The following FAAP20 variants were observed in gnomAD, a reference collection of about 807,000 sequenced individuals.
The protein encoded by FAAP20 is FA core complex associated protein 20, also known as Fanconi anemia core complex-associated protein 20.
Under a neutral mutation model 16.2 loss-of-function variants are expected in FAAP20, and 12 were observed. That is an observed-to-expected ratio of 0.74 (90% confidence interval 0.48 to 1.20). The LOEUF (loss-of-function observed/expected upper bound fraction) is 1.20, where lower values mean the gene tolerates loss of function less well. Ranked by LOEUF, FAAP20 falls within the 50% of genes most tolerant of loss-of-function variation. FAAP20 has a pLI of 0.00. For missense variants in FAAP20, 288 were observed against 245.8 expected (o/e 1.17, Z -1.15); for synonymous variants, 141 against 110.7 (o/e 1.27, Z -1.72).
At chr1:2,194,807 GC>G, upstream of FAAP20, 1 of 571,082 alleles carries the variant, frequency 1.8e-6, no homozygotes. Flanking sequence ...TCCAGGCCCC[GC>G]CCCCGCCCCG....
rs753552259 is a variant in FAAP20 at position 2,193,620 on chromosome 1, G to A, written c.470+19C>T. ...ACACGGATGGATAACCGGGCCGGGC[G>A]CAGGGGTGGCCTACTCACCTGGGGG... is the stretch of plus-strand genomic sequence containing the variant. On this transcript the variant is annotated intron_variant, in intron 3 of 3. Transcript: ENST00000378546. 27 of 1,586,698 alleles carry A rather than the reference G, an allele frequency of 1.7e-5. No homozygotes were observed. The highest frequency in any genetic ancestry group is 2.1e-5 in the Non-Finnish European group (25 of 1,174,010).
chr1:2,194,166 C>T (rs746773170), intron 1 of FAAP20, 33 bp from the exon 2 acceptor site: 1 of 1,609,532 alleles, frequency 6.2e-7, no homozygotes, highest in Admixed American at 1.7e-5. Flanking sequence ...ACAGGGGGTA[C>T]TCAGTAGCGG....
downstream of FAAP20, among the ~76,000 whole-genome samples, chr1:2,186,497 C>CG (rs921172617): frequency 1.8e-5 from 1 of 56,548 alleles, no homozygotes; most frequent in South Asian, 5.7e-4. Flanking sequence ...TGGACACCCG[C>CG]CCCCCCCCGG....
downstream of FAAP20, chr1:2,186,333 G>A (rs937885211): frequency 9.1e-6 from 2 of 220,280 alleles, no homozygotes; most frequent in South Asian, 4.7e-5. Context: ...CAGCAGGTGA[G>A]CGTGGCCCAC....
In FAAP20 at chr1:2,189,663, G is replaced by GCCGAGAGGCGGGGCCGCC; in HGVS notation, c.*45_*46insGGCGGCCCCGCCTCTCGG. ...GAGAGGCGGGGCTGCTGGCGGGGGA[G>GCCGAGAGGCGGGGCCGCC]AGCGTGTCCGGGCGCCGCACTCTGC... On this transcript the variant is annotated 3_prime_UTR_variant, in exon 4 of 4. Transcript: ENST00000378546. 6.5e-7 allele frequency: 1 copy of GCCGAGAGGCGGGGCCGCC among 1,531,458 alleles called. No homozygotes were observed. The highest frequency in any genetic ancestry group is 9.0e-7 in the Non-Finnish European group (1 of 1,111,280). 94.9% of individuals were successfully genotyped at this position (1,531,458 alleles called of 1,614,324 possible). A position where few individuals can be genotyped will look rare whatever the true frequency, so the allele number is the denominator to read the frequency against.
At chr1:2,196,198 C>G (rs1344184204), upstream of FAAP20, among the ~76,000 whole-genome samples, 2 of 152,180 alleles carry the variant, frequency 1.3e-5, no homozygotes, top group African/African-American at 4.8e-5. The surrounding 1 kb of genome is among the most constrained non-coding windows in gnomAD (Gnocchi z 4.5). Flanking sequence ...CTGGGTCTTT[C>G]CTGGAAATGT....
chr1:2,210,422 C>T (rs995503776), downstream of FAAP20, among the ~76,000 whole-genome samples: 1 of 152,200 alleles, frequency 6.6e-6, no homozygotes, highest in Non-Finnish European at 1.5e-5. Context: ...CACAGCCCTG[C>T]CTGCCGCCTC....
Position 2,193,851 on chromosome 1 carries a change from G to C in FAAP20, c.258C>G (p.Ser86=). The change falls in exon 3 of 4, where the codon TCC becomes TCG. Residue 86 remains serine, a synonymous_variant. Transcript: ENST00000378546. ...EVFTVGPKTF[S]WTPFPPDLWG... ...ACAGGTCCGGCGGAAAGGGTGTCCAGGAAAAGGTCTTGGGTCCGACAGTGA... is the reference window on the plus strand; with the variant it reads ...ACAGGTCCGGCGGAAAGGGTGTCCACGAAAAGGTCTTGGGTCCGACAGTGA... 1 of 1,612,356 alleles carries C rather than the reference G, an allele frequency of 6.2e-7. No individual in the cohort carries two copies. The highest frequency in any genetic ancestry group is 8.5e-7 in the Non-Finnish European group (1 of 1,179,814).
chr1:2,185,409 C>G (rs1030599199), downstream of FAAP20: 4 of 718,688 alleles, frequency 5.6e-6, no homozygotes, highest in Non-Finnish European at 1.0e-5. Flanking sequence ...CCTCTGATGC[C>G]TTTTTTCCGT....
chr1:2,189,011 G>GAAA (rs71578368), downstream of FAAP20, among the ~76,000 whole-genome samples: 136 of 105,902 alleles, frequency 1.3e-3, 1 homozygote, highest in African/African-American at 4.1e-3. Context: ...TCTCAAAAAA[G>GAAA]AAAAAAAAAA....
chr1:2,189,917 A>G, intron 3 of FAAP20, 136 bp from the exon 4 acceptor site: 2 of 719,946 alleles, frequency 2.8e-6, no homozygotes, highest in Non-Finnish European at 4.9e-6. Flanking sequence ...GGACGGGGCC[A>G]CCCCAGGGGC....
chr1:2,195,857 C>G (rs1374117895), upstream of FAAP20, among the ~76,000 whole-genome samples: 2 of 152,256 alleles, frequency 1.3e-5, no homozygotes, highest in African/African-American at 2.4e-5. Flanking sequence ...CACCTTCCTG[C>G]TCTAGATGCT....
At chr1:2,205,610 C>T (rs1208758580) in intron 3 of FAAP20, among the ~76,000 whole-genome samples, 2 of 152,152 alleles carry the variant, frequency 1.3e-5, no homozygotes, top group Non-Finnish European at 2.9e-5. Context: ...AAACGAGTTT[C>T]CAGCGTCGAG....
At chr1:2,211,410 TA>T (rs1689434684), downstream of FAAP20, among the ~76,000 whole-genome samples, 1 of 19,512 alleles carries the variant, frequency 5.1e-5, no homozygotes, top group Non-Finnish European at 9.3e-5. Flanking sequence ...TATATATATA[TA>T]TATATATATA....
In FAAP20 at chr1:2,193,767, G is replaced by A. The variant is rs780196508; in HGVS notation, c.342C>T (p.Pro114=). 8.8e-6 allele frequency: 14 copies of A among 1,594,838 alleles called. No homozygotes were observed. Among genetic ancestry groups the A allele is most frequent in the South Asian group, 1.1e-5 (1 of 89,188 alleles). ...CCGGGCGCTGGGGCAGGGACCTGGC[G>A]GGGGATTCCAGGTGCCCTCCTGCCC... is the stretch of plus-strand genomic sequence containing the variant. ...LHGAGGHLES[P]ARSLPQRPAP... is the part of the protein sequence containing the mutation. Residue 114 remains proline (P), a synonymous_variant, in exon 3 of 4, where the codon CCC becomes CCT. Coordinates refer to ENST00000378546, the MANE Select transcript of FAAP20 (RefSeq NM_182533.4).
downstream of FAAP20, among the ~76,000 whole-genome samples, chr1:2,208,634 C>A (rs185446101): frequency 4.7e-3 from 715 of 152,274 alleles, 9 homozygotes; most frequent in Non-Finnish European, 5.3e-3. Context: ...CCTCTTGCCT[C>A]GCCCTTTGGA....
Position 2,192,552 on chromosome 1 carries a change from C to A in FAAP20, c.470+1087G>T. 4.9e-6 allele frequency: 5 copies of A among 1,025,426 alleles called. No homozygotes were observed. The South Asian group carries it at 1.5e-4, about 30-fold the overall frequency. 63.5% of individuals were successfully genotyped at this position (1,025,426 alleles called of 1,614,324 possible). A position where few individuals can be genotyped will look rare whatever the true frequency, so the allele number is the denominator to read the frequency against. ...TCCCCGGGGGGCGGGGGGCAGCACC[C>A]TGACAGCAACAAGGATCTCAGAGCT... On this transcript the variant is annotated intron_variant, in intron 3 of 3. Transcript: ENST00000378546.
Position 2,190,570 on chromosome 1 carries a change from A to T in FAAP20, c.471-789T>A, listed in dbSNP as rs116793392. On this transcript the variant is annotated intron_variant, in intron 3 of 3. Transcript: ENST00000378546. ...TGGCCAAGGTGTGGCCCTGGAAGCC[A>T]GGACAGTTGACTTCCGGCCATGACT... is the stretch of plus-strand genomic sequence containing the variant. 1.5e-3 allele frequency: 554 copies of T among 369,388 alleles called. 2 individuals are homozygous for T. Among genetic ancestry groups the T allele is most frequent in the African/African-American group, 0.011 (500 of 47,352 alleles). The allele number at this position is 369,388 out of a possible 1,614,324, so 22.9% of individuals were successfully genotyped here.
At chr1:2,194,591 C>T in intron 1 of FAAP20, 97 bp downstream of exon 1, 1 of 633,474 alleles carries the variant, frequency 1.6e-6, no homozygotes, top group Non-Finnish European at 2.1e-6. Flanking sequence ...AGGGAGCCCT[C>T]CCCAGGGGGA....
Sources: gnomAD v4.1 joint callset for allele counts (sites outside exome capture counted in the v4.1 genomes callset) on GRCh38, gnomAD v4.1.1 for gene constraint, Gnocchi (gnomAD v3.1) non-coding constraint, MANE v1.5 for transcripts, NCBI Gene and HGNC (gene_info 2026-07-23, HGNC 2026-07-21) for gene names.